GRIN2A: variants seen among roughly 807,000 people sequenced by gnomAD.
GRIN2A encodes glutamate receptor ionotropic, NMDA 2A.
A neutral mutation model predicts 113.4 loss-of-function variants in GRIN2A; 22 were observed. That is an observed-to-expected ratio of 0.19 (90% CI 0.14 to 0.28). The LOEUF (loss-of-function observed/expected upper bound fraction) is 0.28. GRIN2A is among the 10% of genes least tolerant of loss of function. GRIN2A has a pLI of 1.00. For synonymous variants in GRIN2A, 827 were observed against 738.4 expected, an observed-to-expected ratio of 1.12 and a Z score of -1.94; for missense variants, 1,502 against 1,887.0, an observed-to-expected ratio of 0.80 and a Z score of 3.78.
intron 2 of GRIN2A, among the ~76,000 whole-genome samples, chr16:10,047,093 A>G (rs1057462211): frequency 6.6e-6 from 1 of 152,210 alleles, no homozygotes; most frequent in East Asian, 1.9e-4. Context: ...AACAGAGAAC[A>G]TTTGTCCCTG....
chr16:9,996,755 T>C (rs1279683257), intron 2 of GRIN2A, among the ~76,000 whole-genome samples: 2 of 152,092 alleles, frequency 1.3e-5, no homozygotes, highest in African/African-American at 4.8e-5. Flanking sequence ...ACCTAGCACA[T>C]AGACTAATCA....
At chr16:9,772,088 G>T (rs905399548) in intron 11 of GRIN2A, among the ~76,000 whole-genome samples, 14 of 152,080 alleles carry the variant, frequency 9.2e-5, no homozygotes, top group Admixed American at 5.9e-4. Context: ...CCACAAAAAT[G>T]GGTGCTGATC....
intron 2 of GRIN2A, among the ~76,000 whole-genome samples, chr16:10,164,597 A>T (rs369727014): frequency 1.3e-5 from 2 of 152,244 alleles, no homozygotes; most frequent in African/African-American, 4.8e-5. Context: ...TTGAAACAAC[A>T]CTGATACAGA....
At chr16:9,887,196 GT>G (rs200612227) in intron 4 of GRIN2A, among the ~76,000 whole-genome samples, 1 of 151,436 alleles carries the variant, frequency 6.6e-6, no homozygotes, top group African/African-American at 2.4e-5. Flanking sequence ...CCGGATTTAG[GT>G]TTTTTTTTAA....
chr16:9,763,976 G>A lies in GRIN2A; in HGVS notation c.3568C>T (p.His1190Tyr), dbSNP rs765522252. 5 of 1,614,144 alleles carry A rather than the reference G, an allele frequency of 3.1e-6. No homozygotes were observed. Among genetic ancestry groups the A allele is most frequent in the Non-Finnish European group, 4.2e-6 (5 of 1,180,012 alleles). Residue 1190 changes from histidine to tyrosine, a missense_variant, in exon 13 of 13, where the codon CAC becomes TAC. By Grantham distance (83) the His-to-Tyr change is moderately conservative. This residue lies in a region of GRIN2A where 832 missense variants were observed against 789.7 expected (regional missense o/e 1.05). Transcript: ENST00000330684. ...NNDQYKLYSKHFTLKDKGSPH... is the reference protein window; with the variant it reads ...NNDQYKLYSKYFTLKDKGSPH... ...GAACCCTTGTCTTTCAAGGTGAAGTGCTTGGAGTAGAGTTTATACTGGTCG... is the reference window on the plus strand; with the variant it reads ...GAACCCTTGTCTTTCAAGGTGAAGTACTTGGAGTAGAGTTTATACTGGTCG...
At chr16:10,109,910 T>C (rs1046707327) in intron 2 of GRIN2A, among the ~76,000 whole-genome samples, 2 of 151,984 alleles carry the variant, frequency 1.3e-5, no homozygotes, top group Non-Finnish European at 2.9e-5. Flanking sequence ...TTAATTTTAT[T>C]ATTATTATAC....
rs191004454 is a variant in GRIN2A, at chr16:10,104,665, A to C, written c.414+75333T>G. On this transcript the variant is annotated intron_variant, in intron 2 of 12. Transcript: ENST00000330684. ...TCCAGGGTGCGCACATGACAGAGAC[A>C]AGTTTCTGTACTGAGTCCTGATTCC... Among the ~76,000 whole-genome samples, 9 of 152,300 alleles carry C rather than the reference A, an allele frequency of 5.9e-5. No individual in the cohort carries two copies. The East Asian group carries it at 1.7e-3, about 29-fold the overall frequency.
At chr16:9,992,410 ACT>A (rs2046135658) in intron 2 of GRIN2A, among the ~76,000 whole-genome samples, 1 of 152,156 alleles carries the variant, frequency 6.6e-6, no homozygotes, top group South Asian at 2.1e-4. Context: ...GGCCAACTTC[ACT>A]CTCAGCCAGT....
intron 10 of GRIN2A, among the ~76,000 whole-genome samples, chr16:9,821,491 A>G (rs189957660): frequency 3.3e-5 from 5 of 152,292 alleles, no homozygotes; most frequent in Admixed American, 3.3e-4. Flanking sequence ...ACCACAGAAC[A>G]ATGGACTTTT....
intron 2 of GRIN2A, among the ~76,000 whole-genome samples, chr16:10,006,850 T>G (rs1051115843): frequency 6.6e-6 from 1 of 152,222 alleles, no homozygotes; most frequent in African/African-American, 2.4e-5. Flanking sequence ...TGTTTTAATT[T>G]TCAGCTCCCA....
chr16:9,988,706 C>G (rs1183091599), intron 2 of GRIN2A, among the ~76,000 whole-genome samples: 1 of 152,138 alleles, frequency 6.6e-6, no homozygotes, highest in Non-Finnish European at 1.5e-5. Flanking sequence ...TTATGAGGAA[C>G]AGGGAATTTA....
intron 11 of GRIN2A, among the ~76,000 whole-genome samples, chr16:9,786,304 C>T (rs1902225777): frequency 6.6e-6 from 1 of 152,126 alleles, no homozygotes. Flanking sequence ...TGTTTCATTC[C>T]TTCTCATCTC....
At chr16:10,096,684 C>T (rs890592725) in intron 2 of GRIN2A, among the ~76,000 whole-genome samples, 13 of 152,062 alleles carry the variant, frequency 8.5e-5, no homozygotes, top group Admixed American at 1.3e-4. Context: ...TTTTACTCCA[C>T]TGTTCTAACT....
At chr16:9,917,566 C>T (rs753170604) in intron 3 of GRIN2A, among the ~76,000 whole-genome samples, 3 of 152,222 alleles carry the variant, frequency 2.0e-5, no homozygotes, top group African/African-American at 7.2e-5. Context: ...TCTACTGCAT[C>T]GGTTCCAAAA....
At chr16:9,900,987 C>T (rs2043910314) in intron 3 of GRIN2A, among the ~76,000 whole-genome samples, 1 of 152,194 alleles carries the variant, frequency 6.6e-6, no homozygotes, top group African/African-American at 2.4e-5. Context: ...GTGCATGTTG[C>T]TCTTCCAACC....
rs777041615 is a variant in GRIN2A at position 9,764,576 on chromosome 16, CATTGAG to C, written c.2962_2967del (p.Leu988_Asn989del). Reference sequence around the variant, plus strand: ...ACCTCCACCGTGTTAGGGTTGGACTCATTGAGAGTAAGAGGATGTTGTCCCTGGAAT... The same window carrying C: ...ACCTCCACCGTGTTAGGGTTGGACTCAGTAAGAGGATGTTGTCCCTGGAAT... On this transcript the variant is annotated inframe_deletion, in exon 13 of 13. Coordinates refer to ENST00000330684, the MANE Select transcript of GRIN2A (RefSeq NM_001134407.3). The C allele has an allele frequency of 3.7e-6, 6 of 1,613,990 alleles. No homozygotes were observed. Among genetic ancestry groups the C allele is most frequent in the Non-Finnish European group, 5.1e-6 (6 of 1,180,004 alleles).
intron 2 of GRIN2A, among the ~76,000 whole-genome samples, chr16:10,058,544 G>GA (rs925178893): frequency 1.1e-4 from 16 of 151,872 alleles, no homozygotes; most frequent in African/African-American, 3.6e-4. Flanking sequence ...TTCTCTTGGT[G>GA]AAAAAAAATC....
intron 2 of GRIN2A, among the ~76,000 whole-genome samples, chr16:10,090,832 C>G (rs962866017): frequency 1.3e-5 from 2 of 152,070 alleles, no homozygotes; most frequent in Admixed American, 6.6e-5. Context: ...ACTCCTACAA[C>G]TCAATAATAA....
At chr16:10,076,209 A>G (rs1018258971) in intron 2 of GRIN2A, among the ~76,000 whole-genome samples, 5 of 152,132 alleles carry the variant, frequency 3.3e-5, no homozygotes, top group African/African-American at 1.2e-4. Flanking sequence ...CACTGGTGCA[A>G]AGTCTGTCCT....
Sources: gnomAD v4.1 joint callset for allele counts (sites outside exome capture counted in the v4.1 genomes callset) on GRCh38, gnomAD v4.1.1 for gene constraint, gnomAD v4.1.1 regional missense constraint, MANE v1.5 for transcripts, NCBI Gene and HGNC (gene_info 2026-07-23, HGNC 2026-07-21) for gene names.